Variants in KIAA1217 observed in about 807,000 individuals in gnomAD.
KIAA1217 encodes KIAA1217.
A neutral mutation model predicts 163.9 loss-of-function variants in KIAA1217; 88 were observed. The observed-to-expected ratio is 0.54, with a 90% CI of 0.45 to 0.64. The LOEUF (loss-of-function observed/expected upper bound fraction) is 0.64, where lower values mean the gene tolerates loss of function less well. Ranked by LOEUF, KIAA1217 falls within the 30% of genes least tolerant of loss-of-function variation. KIAA1217 has a pLI of 0.00. For missense variants in KIAA1217, 2,372 were observed against 2,475.0 expected, an observed-to-expected ratio of 0.96 and a Z score of 0.88; for synonymous variants, 903 against 923.1, an observed-to-expected ratio of 0.98 and a Z score of 0.39.
At chr10:24,049,074 A>G (rs1650215247) in intron 2 of KIAA1217, among the ~76,000 whole-genome samples, 1 of 151,534 alleles carries the variant, frequency 6.6e-6, no homozygotes, top group Non-Finnish European at 1.5e-5. Context: ...CTACTAATGA[A>G]TGAGAAGTAA....
chr10:24,143,935 A>G (rs2064194642), intron 2 of KIAA1217, among the ~76,000 whole-genome samples: 1 of 152,210 alleles, frequency 6.6e-6, no homozygotes, highest in African/African-American at 2.4e-5. Context: ...GGCATGGCAG[A>G]CACTCAATGA....
intron 2 of KIAA1217, among the ~76,000 whole-genome samples, chr10:24,301,002 AG>A (rs896710108): frequency 2.6e-5 from 4 of 151,904 alleles, no homozygotes; most frequent in African/African-American, 9.7e-5. Flanking sequence ...TAGTAGGCAC[AG>A]GGTTTCACCA....
intron 2 of KIAA1217, among the ~76,000 whole-genome samples, chr10:24,044,798 A>C (rs576368392): frequency 1.3e-5 from 2 of 152,200 alleles, no homozygotes; most frequent in African/African-American, 4.8e-5. Context: ...TTTCTCTTAC[A>C]GTTTTAAAGT....
chr10:23,925,052 G>A (rs1341074991), intron 1 of KIAA1217, among the ~76,000 whole-genome samples: 1 of 152,092 alleles, frequency 6.6e-6, no homozygotes, highest in Non-Finnish European at 1.5e-5. Context: ...TCTTTGAGGT[G>A]AAATATCCCA....
chr10:23,940,393 G>T (rs926945923), intron 1 of KIAA1217, among the ~76,000 whole-genome samples: 10 of 145,212 alleles, frequency 6.9e-5, no homozygotes, highest in South Asian at 6.7e-4. Context: ...CTGGGAGGCG[G>T]AGTTTGCAGT....
chr10:23,795,488 T>C (rs536394547), intron 1 of KIAA1217, among the ~76,000 whole-genome samples: 1 of 152,332 alleles, frequency 6.6e-6, no homozygotes, highest in South Asian at 2.1e-4. Context: ...CAATGGCTTA[T>C]AAGCAAGGGC....
At chr10:24,108,723 A>G (rs1217760620) in intron 2 of KIAA1217, among the ~76,000 whole-genome samples, 1 of 152,226 alleles carries the variant, frequency 6.6e-6, no homozygotes, top group Non-Finnish European at 1.5e-5. Context: ...AATCATGCCA[A>G]GATCTAAATA....
intron 1 of KIAA1217, among the ~76,000 whole-genome samples, chr10:23,814,197 T>C (rs144014023): frequency 2.6e-5 from 4 of 152,236 alleles, no homozygotes; most frequent in East Asian, 3.9e-4. Flanking sequence ...AGAGGAATAG[T>C]TGACAAAAAG....
chr10:24,453,988 A>G (rs145648837), intron 5 of KIAA1217, among the ~76,000 whole-genome samples: 4 of 152,206 alleles, frequency 2.6e-5, no homozygotes, highest in Admixed American at 2.0e-4. Flanking sequence ...TATGAAGTAT[A>G]AAAACCAAGG....
At chr10:24,453,014 G>A (rs1203575216) in intron 5 of KIAA1217, among the ~76,000 whole-genome samples, 1 of 152,190 alleles carries the variant, frequency 6.6e-6, no homozygotes, top group Non-Finnish European at 1.5e-5. Flanking sequence ...GAAGGTCTTA[G>A]ACATCATCTT....
At chr10:24,172,559 C>G (rs1296580124) in intron 2 of KIAA1217, among the ~76,000 whole-genome samples, 8 of 152,324 alleles carry the variant, frequency 5.3e-5, no homozygotes, top group Admixed American at 3.3e-4. Context: ...GAGACAATAA[C>G]AGTACCTATT....
Position 23,729,596 on chromosome 10 carries a change from G to T in KIAA1217, c.-321+34362G>T, listed in dbSNP as rs543215297. ...ATATCTATATTACTTCTTTAGTAGG[G>T]TGTCTGTTAAGGTCTTTGGTCCATT... On this transcript the variant is annotated intron_variant, in intron 1 of 18. Coordinates refer to the KIAA1217 transcript ENST00000376462. Among the ~76,000 whole-genome samples, 15 of 152,178 alleles carry T rather than the reference G, an allele frequency of 9.9e-5. 1 individual carries two copies. The highest frequency in any genetic ancestry group is 5.2e-4 in the Admixed American group (8 of 15,282).
intron 12 of KIAA1217, 61 bp downstream of exon 12, chr10:24,521,990 G>A: frequency 6.4e-7 from 1 of 1,557,496 alleles, no homozygotes; most frequent in Non-Finnish European, 8.7e-7. Flanking sequence ...GAAACCGAGA[G>A]TGGACGTTTG....
At chr10:23,774,402 A>G (rs1473373005) in intron 1 of KIAA1217, among the ~76,000 whole-genome samples, 1 of 152,168 alleles carries the variant, frequency 6.6e-6, no homozygotes, top group African/African-American at 2.4e-5. Context: ...CCTGTACTTC[A>G]GAGGGTGTCA....
Position 24,531,923 on chromosome 10 carries a change from G to A in KIAA1217, c.3176G>A (p.Gly1059Glu). 1.2e-6 allele frequency: 2 copies of A among 1,610,414 alleles called. No homozygotes were observed. Among genetic ancestry groups the A allele is most frequent in the South Asian group, 2.2e-5 (2 of 90,340 alleles). The change falls in exon 15 of 21, where the codon GGA becomes GAA. Residue 1059 changes from glycine to glutamate, a missense_variant. Gly to Glu is a moderately conservative substitution (Grantham distance 98, BLOSUM62 -2). This residue lies in a region of KIAA1217 where 1,431 missense variants were observed against 1,470.3 expected (regional missense o/e 0.97). Coordinates refer to ENST00000376454, the MANE Select transcript of KIAA1217 (RefSeq NM_019590.5). ...CCTCCTCGTCGAAGCTACCTGCCAG[G>A]ATCGGGACTCACCACCACGAGGTCA... ...PPPPRRSYLP[G>E]SGLTTTRSGD...
intron 2 of KIAA1217, among the ~76,000 whole-genome samples, chr10:24,257,502 A>T (rs570705695): frequency 2.0e-5 from 3 of 152,204 alleles, no homozygotes; most frequent in African/African-American, 7.2e-5. Context: ...TGATTCCCTC[A>T]TCCCATCCCA....
intron 2 of KIAA1217, among the ~76,000 whole-genome samples, chr10:24,177,361 G>GTATATA (rs58347791): frequency 1.9e-3 from 244 of 129,246 alleles, no homozygotes; most frequent in East Asian, 7.1e-3. Context: ...TATCATATGT[G>GTATATA]TATATATATA....
chr10:23,927,890 T>C (rs1472071965), intron 1 of KIAA1217, among the ~76,000 whole-genome samples: 2 of 152,088 alleles, frequency 1.3e-5, no homozygotes, highest in East Asian at 1.9e-4. Flanking sequence ...GAAATACACA[T>C]ATAAAACAGC....
chr10:23,739,235 T>C (rs906321126), intron 1 of KIAA1217, among the ~76,000 whole-genome samples: 1 of 152,034 alleles, frequency 6.6e-6, no homozygotes, highest in African/African-American at 2.4e-5. Context: ...ATGACAGACA[T>C]TGGAGACTCG....
Sources: allele counts gnomAD v4.1 joint callset (sites outside exome capture counted in the v4.1 genomes callset), GRCh38; gene constraint gnomAD v4.1.1; regional missense constraint gnomAD v4.1.1; transcripts MANE v1.5; gene names NCBI Gene and HGNC (gene_info 2026-07-23, HGNC 2026-07-21).